The following POU6F2 variants were observed in gnomAD, a reference collection of about 807,000 sequenced individuals.
The protein encoded by POU6F2 is POU domain, class 6, transcription factor 2.
In POU6F2, 31 loss-of-function variants were observed where a neutral mutation model predicts 71.3. That is an observed-to-expected ratio of 0.43 (90% CI 0.33 to 0.59). POU6F2 has a LOEUF of 0.59. Among genes scored for constraint, POU6F2 ranks in the 20% least tolerant of loss-of-function variants. The probability of loss-of-function intolerance (pLI) is 0.04; values close to 1 mark genes in which losing one functional copy is unlikely to be tolerated. For missense variants in POU6F2, 783 were observed against 856.8 expected, an observed-to-expected ratio of 0.91 and a Z score of 1.07; for synonymous variants, 347 against 355.7, an observed-to-expected ratio of 0.98 and a Z score of 0.27.
At chr7:39,126,864 T>C (rs1792148531) in intron 2 of POU6F2, among the ~76,000 whole-genome samples, 1 of 152,222 alleles carries the variant, frequency 6.6e-6, no homozygotes, top group African/African-American at 2.4e-5. Context: ...TAGAATAATT[T>C]ATTAGACCAG....
At chr7:39,434,244 G>T (rs1475000870) in intron 7 of POU6F2, among the ~76,000 whole-genome samples, 1 of 152,132 alleles carries the variant, frequency 6.6e-6, no homozygotes, top group Non-Finnish European at 1.5e-5. Context: ...AGAGGATGGG[G>T]TGTTGAGAAA....
chr7:39,355,066 G>A (rs1268855053), intron 5 of POU6F2, among the ~76,000 whole-genome samples: 1 of 152,176 alleles, frequency 6.6e-6, no homozygotes, highest in African/African-American at 2.4e-5. Context: ...TTTTTAAAAT[G>A]AGGATCCCTT....
chr7:39,232,188 TATG>T (rs1460249161), intron 4 of POU6F2, among the ~76,000 whole-genome samples: 5 of 152,202 alleles, frequency 3.3e-5, no homozygotes, highest in East Asian at 3.8e-4. Flanking sequence ...GATAAAAATG[TATG>T]ATGTTTATGA....
At position 39,301,146 on chromosome 7, in the gene POU6F2, G is replaced by A. The variant is rs147348075; in HGVS notation, c.599-38496G>A. Among the ~76,000 whole-genome samples, 453 of 152,092 alleles carry A rather than the reference G, an allele frequency of 3.0e-3. 3 individuals are homozygous for A. The highest frequency in any genetic ancestry group is 9.0e-3 in the African/African-American group (373 of 41,474). ...TTCAGTGGCTATTTAATAGTTTTTC[G>A]ACTCCTTTTCTTTGCTATCCTGTAA... On this transcript the variant is annotated intron_variant, in intron 4 of 9. Coordinates refer to ENST00000518318, the MANE Select transcript of POU6F2 (RefSeq NM_001370959.1).
In POU6F2 at chr7:39,464,138, G is replaced by A; in HGVS notation, c.1659-44G>A. The A allele has an allele frequency of 6.3e-7, 1 of 1,575,494 alleles. No homozygotes were observed. Among genetic ancestry groups the A allele is most frequent in the Non-Finnish European group, 8.6e-7 (1 of 1,157,574 alleles). ...GGCAGGCAGGAGGCCCACCCTGGCA[G>A]AGGACTCAGTGTAAGACTGTTCTTT... On this transcript the variant is annotated intron_variant, in intron 9 of 9. Coordinates refer to ENST00000518318, the MANE Select transcript of POU6F2 (RefSeq NM_001370959.1). This position sits in a 1 kb window ranked among gnomAD's most constrained non-coding sequence, Gnocchi z 4.1.
At chr7:39,373,547 A>T (rs1562806625) in intron 5 of POU6F2, 1 of 456,712 alleles carries the variant, frequency 2.2e-6, no homozygotes, top group Middle Eastern at 3.3e-4. Flanking sequence ...TTCACTTCAG[A>T]AATGATTCAG....
chr7:39,148,057 T>C (rs758892453), intron 2 of POU6F2, among the ~76,000 whole-genome samples: 18 of 152,218 alleles, frequency 1.2e-4, no homozygotes, highest in Non-Finnish European at 2.1e-4. Flanking sequence ...CATACATGAA[T>C]ATGGCAGAAG....
At chr7:39,017,404 C>G (rs1049957174) in intron 1 of POU6F2, among the ~76,000 whole-genome samples, 1 of 152,100 alleles carries the variant, frequency 6.6e-6, no homozygotes, top group Non-Finnish European at 1.5e-5. Flanking sequence ...CATCTTTAGT[C>G]GCTGTTATTG....
At chr7:39,013,427 T>C (rs540224032) in intron 1 of POU6F2, 1 of 158,856 alleles carries the variant, frequency 6.3e-6, no homozygotes, top group Non-Finnish European at 1.4e-5. Flanking sequence ...GCCCACTGTC[T>C]GGAACTCCCT....
chr7:39,045,306 G>T (rs1213521446), intron 1 of POU6F2, among the ~76,000 whole-genome samples: 2 of 151,918 alleles, frequency 1.3e-5, no homozygotes, highest in Non-Finnish European at 2.9e-5. Context: ...AAGCATGAGA[G>T]CTTCCTATAT....
At chr7:39,159,230 A>T (rs1436832719) in intron 2 of POU6F2, among the ~76,000 whole-genome samples, 1 of 152,070 alleles carries the variant, frequency 6.6e-6, no homozygotes, top group African/African-American at 2.4e-5. Context: ...CTCCAGTGTC[A>T]CATTATTGTT....
At chr7:39,369,450 T>C (rs890651365) in intron 5 of POU6F2, among the ~76,000 whole-genome samples, 1 of 150,030 alleles carries the variant, frequency 6.7e-6, no homozygotes, top group African/African-American at 2.5e-5. Flanking sequence ...TAACCTCGCC[T>C]CCTGGGTTTA....
chr7:38,993,123 A>G (rs932787669), intron 1 of POU6F2, among the ~76,000 whole-genome samples: 1 of 152,202 alleles, frequency 6.6e-6, no homozygotes, highest in African/African-American at 2.4e-5. Flanking sequence ...ATTTCTGTGT[A>G]TAAAGATAAG....
intron 5 of POU6F2, among the ~76,000 whole-genome samples, chr7:39,389,724 A>C: frequency 6.6e-6 from 1 of 152,254 alleles, no homozygotes; most frequent in South Asian, 2.1e-4. Context: ...AAACAAAATG[A>C]GATTCTTAGT....
At chr7:39,147,008 A>C (rs1018006787) in intron 2 of POU6F2, among the ~76,000 whole-genome samples, 5 of 152,190 alleles carry the variant, frequency 3.3e-5, no homozygotes, top group Non-Finnish European at 7.3e-5. Flanking sequence ...TAACTGCATA[A>C]ATACATTTCC....
intron 4 of POU6F2, among the ~76,000 whole-genome samples, chr7:39,310,969 G>A (rs535952612): frequency 3.9e-5 from 6 of 152,268 alleles, no homozygotes; most frequent in African/African-American, 7.2e-5. Flanking sequence ...CAGTGAAAGC[G>A]ACTCATCCTG....
chr7:39,412,778 CTTTTTTTTTTTTTTTTT>C (rs1166811956), intron 6 of POU6F2, among the ~76,000 whole-genome samples: 19 of 23,184 alleles, frequency 8.2e-4, no homozygotes, highest in Non-Finnish European at 1.8e-3. Context: ...GTTTTCTTGC[CTTTTTTTTTTTTTTTTT>C]TTTTTTTTTT....
chr7:39,280,585 T>A (rs896767512), intron 4 of POU6F2, among the ~76,000 whole-genome samples: 1 of 152,222 alleles, frequency 6.6e-6, no homozygotes, highest in Non-Finnish European at 1.5e-5. Flanking sequence ...ATGACTACTT[T>A]CTGAAATTAG....
intron 2 of POU6F2, among the ~76,000 whole-genome samples, chr7:39,100,083 A>T (rs1791535457): frequency 6.6e-6 from 1 of 152,240 alleles, no homozygotes; most frequent in African/African-American, 2.4e-5. Context: ...AAAGTTAGTT[A>T]TGTGTTAGGC....
Sources: allele counts gnomAD v4.1 joint callset (sites outside exome capture counted in the v4.1 genomes callset), GRCh38; gene constraint gnomAD v4.1.1; non-coding constraint Gnocchi (gnomAD v3.1); transcripts MANE v1.5; gene names NCBI Gene and HGNC (gene_info 2026-07-23, HGNC 2026-07-21).